The following MAGI1 variants were observed in gnomAD, a reference collection of about 807,000 sequenced individuals.
MAGI1 encodes membrane associated guanylate kinase, WW and PDZ domain containing 1.
A neutral mutation model predicts 139.9 loss-of-function variants in MAGI1; 58 were observed. The observed-to-expected ratio is 0.41, with a 90% CI of 0.34 to 0.52. The LOEUF is 0.52. Among genes scored for constraint, MAGI1 ranks in the 20% least tolerant of loss-of-function variants. The probability of loss-of-function intolerance (pLI) is 0.12; values close to 1 mark genes in which losing one functional copy is unlikely to be tolerated. For missense variants in MAGI1, 1,874 were observed against 1,901.6 expected, an observed-to-expected ratio of 0.99 and a Z score of 0.27; for synonymous variants, 812 against 737.9, an observed-to-expected ratio of 1.10 and a Z score of -1.63.
At chr3:65,476,430 A>C (rs1319480683) in intron 4 of MAGI1, among the ~76,000 whole-genome samples, 1 of 152,188 alleles carries the variant, frequency 6.6e-6, no homozygotes, top group East Asian at 1.9e-4. Flanking sequence ...ATCTGGGCCC[A>C]CAAGTTGTTC....
At chr3:65,613,818 T>G (rs2083236664) in intron 2 of MAGI1, among the ~76,000 whole-genome samples, 1 of 152,082 alleles carries the variant, frequency 6.6e-6, no homozygotes, top group African/African-American at 2.4e-5. Context: ...GGAAAGTCAG[T>G]TTTTTAAAAC....
At chr3:65,398,585 T>C (rs1944596572) in intron 13 of MAGI1, among the ~76,000 whole-genome samples, 1 of 152,144 alleles carries the variant, frequency 6.6e-6, no homozygotes, top group South Asian at 2.1e-4. Flanking sequence ...AATTCAGGGT[T>C]TGGTGTGATA....
chr3:65,849,660 A>G (rs528947445), intron 1 of MAGI1, among the ~76,000 whole-genome samples: 49 of 152,214 alleles, frequency 3.2e-4, no homozygotes, highest in East Asian at 1.7e-3. Flanking sequence ...TAAATGAAAT[A>G]AAGAATAAAG....
chr3:65,724,420 A>G (rs1038237266), intron 1 of MAGI1, among the ~76,000 whole-genome samples: 1 of 152,210 alleles, frequency 6.6e-6, no homozygotes, highest in Non-Finnish European at 1.5e-5. Flanking sequence ...ACCTGAGTAT[A>G]GTCATAACTA....
At chr3:65,451,862 G>A (rs2107490417) in intron 6 of MAGI1, among the ~76,000 whole-genome samples, 1 of 151,992 alleles carries the variant, frequency 6.6e-6, no homozygotes, top group Non-Finnish European at 1.5e-5. Flanking sequence ...TGCCCAGGCT[G>A]GTCTTGAACT....
chr3:65,977,252 C>T (rs1436354780), intron 1 of MAGI1, among the ~76,000 whole-genome samples: 6 of 152,188 alleles, frequency 3.9e-5, no homozygotes, highest in African/African-American at 1.4e-4. Flanking sequence ...AGGTTGTCAA[C>T]ATCATCACTT....
At chr3:65,375,141 A>T (rs1398198351) in intron 18 of MAGI1, among the ~76,000 whole-genome samples, 2 of 152,080 alleles carry the variant, frequency 1.3e-5, no homozygotes, top group Non-Finnish European at 2.9e-5. Flanking sequence ...AGACAAGGAC[A>T]CAAAAAGCTA....
intron 2 of MAGI1, among the ~76,000 whole-genome samples, chr3:65,557,998 C>A (rs1402901633): frequency 6.6e-6 from 1 of 152,134 alleles, no homozygotes; most frequent in Non-Finnish European, 1.5e-5. Context: ...CTTCTACCCA[C>A]GAGTCAATTA....
At chr3:65,490,391 AC>A (rs1951918944) in intron 3 of MAGI1, among the ~76,000 whole-genome samples, 1 of 152,184 alleles carries the variant, frequency 6.6e-6, no homozygotes, top group Non-Finnish European at 1.5e-5. Flanking sequence ...GACAGCAGCC[AC>A]CATCAGGGGA....
intron 1 of MAGI1, among the ~76,000 whole-genome samples, chr3:65,972,873 T>C (rs112863241): frequency 2.6e-5 from 4 of 152,322 alleles, no homozygotes; most frequent in African/African-American, 9.6e-5. Context: ...AAGTTAAACA[T>C]ATGAAAGACA....
intron 12 of MAGI1, among the ~76,000 whole-genome samples, chr3:65,410,365 G>A (rs1028128013): frequency 3.9e-5 from 6 of 152,172 alleles, no homozygotes; most frequent in Non-Finnish European, 4.4e-5. Flanking sequence ...AGAAAACCAA[G>A]ACACTGATGG....
chr3:65,442,081 CT>C lies in MAGI1; in HGVS notation c.1136+710del, dbSNP rs5849668. Among the ~76,000 whole-genome samples, 541 of 144,662 alleles carry C rather than the reference CT, an allele frequency of 3.7e-3. 1 individual carries two copies. Among genetic ancestry groups the C allele is most frequent in the Middle Eastern group, 0.014 (4 of 278 alleles). 94.9% of individuals were successfully genotyped at this position (144,662 alleles called of 152,430 possible). A position where few individuals can be genotyped will look rare whatever the true frequency, so the allele number is the denominator to read the frequency against. On this transcript the variant is annotated intron_variant, in intron 8 of 22. Coordinates refer to ENST00000402939, the MANE Select transcript of MAGI1 (RefSeq NM_001033057.2). ...TCTGAGGAAACTACATAATACAAAGCTTTTTTTTTTTTTCAATGTCCTAACC... is the reference window on the plus strand; with the variant it reads ...TCTGAGGAAACTACATAATACAAAGCTTTTTTTTTTTTCAATGTCCTAACC...
intron 1 of MAGI1, among the ~76,000 whole-genome samples, chr3:65,917,192 A>C (rs758670803): frequency 6.6e-6 from 1 of 152,210 alleles, no homozygotes; most frequent in African/African-American, 2.4e-5. Context: ...TTTCTCCTCT[A>C]TCCTTCTACA....
chr3:65,995,948 T>C (rs1268164861), intron 1 of MAGI1, among the ~76,000 whole-genome samples: 1 of 152,126 alleles, frequency 6.6e-6, no homozygotes, highest in Non-Finnish European at 1.5e-5. Context: ...TAGGGAGCTA[T>C]GATCGTGCCA....
At chr3:65,936,948 ATGGTGATGG>A (rs2063089065) in intron 1 of MAGI1, among the ~76,000 whole-genome samples, 1 of 147,594 alleles carries the variant, frequency 6.8e-6, no homozygotes, top group African/African-American at 2.5e-5. Flanking sequence ...GGTGGTGGTG[ATGGTGATGG>A]TGGTGGTGGT....
intron 5 of MAGI1, among the ~76,000 whole-genome samples, chr3:65,456,134 G>C (rs114321541): frequency 2.0e-5 from 3 of 152,328 alleles, no homozygotes; most frequent in African/African-American, 7.2e-5. Context: ...CAATGGATGA[G>C]AGATCCAGTT....
chr3:65,644,866 G>A (rs1019365645), intron 1 of MAGI1, among the ~76,000 whole-genome samples: 25 of 151,864 alleles, frequency 1.6e-4, no homozygotes, highest in Admixed American at 8.5e-4. Context: ...GCATGGTGAC[G>A]CACACCTATA....
At chr3:66,028,610 T>A (rs1046806775) in intron 1 of MAGI1, among the ~76,000 whole-genome samples, 3 of 152,172 alleles carry the variant, frequency 2.0e-5, no homozygotes, top group African/African-American at 7.2e-5. Context: ...TCAAGAATCA[T>A]CGTTGATGGT....
intron 13 of MAGI1, among the ~76,000 whole-genome samples, chr3:65,396,991 A>G (rs573321266): frequency 6.6e-6 from 1 of 152,362 alleles, no homozygotes; most frequent in Admixed American, 6.5e-5. Context: ...AAGGAATGTA[A>G]TACAATGGCA....
Sources: gnomAD v4.1 joint callset for allele counts (sites outside exome capture counted in the v4.1 genomes callset) on GRCh38, gnomAD v4.1.1 for gene constraint, MANE v1.5 for transcripts, NCBI Gene and HGNC (gene_info 2026-07-23, HGNC 2026-07-21) for gene names.